TRPC4AP: variants seen among roughly 807,000 people sequenced by gnomAD.
TRPC4AP encodes the protein transient receptor potential cation channel subfamily C member 4 associated protein.
In TRPC4AP, 45 loss-of-function variants were observed where a neutral mutation model predicts 99.0. That is an observed-to-expected ratio of 0.45 (90% CI 0.36 to 0.58). TRPC4AP has a LOEUF of 0.58. TRPC4AP is among the 20% of genes least tolerant of loss of function. The pLI is 0.00. For synonymous variants in TRPC4AP, 408 were observed against 385.8 expected (o/e 1.06, Z -0.67); for missense variants, 879 against 985.3 (o/e 0.89, Z 1.44).
At position 35,037,346 on chromosome 20, in the gene TRPC4AP, C is replaced by CAA. The variant is rs71196778; in HGVS notation, c.866-2040_866-2039dup. Among the ~76,000 whole-genome samples the CAA allele has an allele frequency of 2.9e-3, 225 of 78,614 alleles. 1 individual carries two copies. Among genetic ancestry groups the CAA allele is most frequent in the Middle Eastern group, 8.6e-3 (1 of 116 alleles). 51.6% of individuals were successfully genotyped at this position (78,614 alleles called of 152,430 possible). A position where few individuals can be genotyped will look rare whatever the true frequency, so the allele number is the denominator to read the frequency against. On this transcript the variant is annotated intron_variant, in intron 7 of 18. Coordinates refer to ENST00000252015, the MANE Select transcript of TRPC4AP (RefSeq NM_015638.3). ...TGGGCGAAAGAGCGAGACTCTGTCT[C>CAA]AAAAAAAAAAAAAAAAAAAAAAAGT...
At chr20:35,086,431 A>ATGTGTGTGTGTGTGTG (rs150231202) in intron 1 of TRPC4AP, among the ~76,000 whole-genome samples, 2 of 109,528 alleles carry the variant, frequency 1.8e-5, no homozygotes, top group South Asian at 3.3e-4. Context: ...TGAATGGCAT[A>ATGTGTGTGTGTGTGTG]TGTGTGTGTG....
At chr20:35,033,026 T>C (rs1006665562) in intron 8 of TRPC4AP, among the ~76,000 whole-genome samples, 1 of 151,854 alleles carries the variant, frequency 6.6e-6, no homozygotes, top group Non-Finnish European at 1.5e-5. Flanking sequence ...GTAAAATCCT[T>C]TCTCTACTAA....
At chr20:35,021,093 G>A in intron 9 of TRPC4AP, 97 bp downstream of exon 9, 2 of 1,363,094 alleles carry the variant, frequency 1.5e-6, no homozygotes, top group East Asian at 4.7e-5. Context: ...TAAAGCGAGA[G>A]CCATTCTAAC....
intron 8 of TRPC4AP, among the ~76,000 whole-genome samples, chr20:35,024,940 T>C (rs2082992549): frequency 6.6e-6 from 1 of 151,872 alleles, no homozygotes; most frequent in Non-Finnish European, 1.5e-5. Flanking sequence ...TGAACATACC[T>C]GAACAAATTT....
At chr20:35,003,651 G>A (rs1226264551) in intron 17 of TRPC4AP, 35 bp from the exon 18 acceptor site, 2 of 1,595,236 alleles carry the variant, frequency 1.3e-6, no homozygotes, top group Non-Finnish European at 1.7e-6. Flanking sequence ...TCAGGGGCTG[G>A]TGGGAGCCCC....
chr20:35,021,504 C>A, intron 8 of TRPC4AP, 148 bp from the exon 9 acceptor site: 4 of 874,380 alleles, frequency 4.6e-6, no homozygotes, highest in Non-Finnish European at 6.8e-6. Flanking sequence ...GCAAAACTCC[C>A]TCCACAATCC....
chr20:35,006,706 T>C, intron 14 of TRPC4AP, 131 bp from the exon 15 acceptor site: 1 of 1,223,044 alleles, frequency 8.2e-7, no homozygotes, highest in Non-Finnish European at 1.1e-6. Flanking sequence ...TCTAGATTCT[T>C]GTCTGAGGAT....
chr20:35,069,518 CAA>C (rs1295776397), intron 2 of TRPC4AP, 106 bp from the exon 3 acceptor site: 39 of 715,304 alleles, frequency 5.5e-5, no homozygotes, highest in Non-Finnish European at 9.1e-5. Context: ...CCCATGAACA[CAA>C]AGACAGTCCC....
At chr20:35,031,883 T>C (rs1391182175) in intron 8 of TRPC4AP, among the ~76,000 whole-genome samples, 1 of 152,166 alleles carries the variant, frequency 6.6e-6, no homozygotes, top group Non-Finnish European at 1.5e-5. Flanking sequence ...TCTTGATTAT[T>C]ATACTACTTA....
intron 1 of TRPC4AP, among the ~76,000 whole-genome samples, chr20:35,078,730 T>C (rs1250249041): frequency 6.6e-6 from 1 of 152,142 alleles, no homozygotes; most frequent in Non-Finnish European, 1.5e-5. Context: ...CAATATGCTG[T>C]CTACAAGAAA....
At chr20:35,040,111 T>G (rs1398863638) in intron 7 of TRPC4AP, among the ~76,000 whole-genome samples, 1 of 151,752 alleles carries the variant, frequency 6.6e-6, no homozygotes, top group African/African-American at 2.4e-5. Flanking sequence ...ATTCATACGT[T>G]GAAGCTCTAG....
rs1479270980 is a variant in TRPC4AP at position 35,024,854 on chromosome 20, A to AAAAAAAAAAT, written c.1052-3499_1052-3498insATTTTTTTTT. Among the ~76,000 whole-genome samples the AAAAAAAAAAT allele has an allele frequency of 1.9e-3, 166 of 89,438 alleles. 35 individuals carry two copies. Among genetic ancestry groups the AAAAAAAAAAT allele is most frequent in the South Asian group, 3.6e-3 (11 of 3,060 alleles). 58.7% of individuals were successfully genotyped at this position (89,438 alleles called of 152,430 possible). On this transcript the variant is annotated intron_variant, in intron 8 of 18. Transcript: ENST00000252015. The stretch of plus-strand genomic sequence containing the variant: ...AAAAAAAAAAAAAAAAAAAAAAAAA[A>AAAAAAAAAAT]ATTCTGTTTATTCATTAATCAGGTG...
intron 8 of TRPC4AP, among the ~76,000 whole-genome samples, chr20:35,025,023 T>C (rs1031387589): frequency 1.3e-5 from 2 of 152,068 alleles, no homozygotes; most frequent in Admixed American, 6.6e-5. Flanking sequence ...ATGACATAAC[T>C]GTATGTTAAC....
intron 7 of TRPC4AP, among the ~76,000 whole-genome samples, chr20:35,042,232 TAG>T (rs1569113307): frequency 6.6e-6 from 1 of 152,152 alleles, no homozygotes; most frequent in African/African-American, 2.4e-5. Context: ...AAAGCAAATC[TAG>T]AGAGAGAATA....
chr20:35,041,951 T>C (rs375664958), intron 7 of TRPC4AP, among the ~76,000 whole-genome samples: 1 of 152,224 alleles, frequency 6.6e-6, no homozygotes, highest in Non-Finnish European at 1.5e-5. Flanking sequence ...TACTACCTTT[T>C]GTCAATGTAT....
intron 8 of TRPC4AP, among the ~76,000 whole-genome samples, chr20:35,026,512 G>A (rs1267275377): frequency 2.6e-5 from 4 of 152,006 alleles, no homozygotes; most frequent in Non-Finnish European, 4.4e-5. Context: ...CACTGTACCC[G>A]GCCTAGTTCA....
chr20:35,011,380 T>C (rs772354549), intron 11 of TRPC4AP, among the ~76,000 whole-genome samples: 4 of 152,182 alleles, frequency 2.6e-5, no homozygotes, highest in South Asian at 2.1e-4. Flanking sequence ...CCATAATCAC[T>C]GGCAACACGG....
intron 3 of TRPC4AP, among the ~76,000 whole-genome samples, chr20:35,062,887 C>CTT (rs1407389239): frequency 6.6e-6 from 1 of 152,156 alleles, no homozygotes; most frequent in Non-Finnish European, 1.5e-5. Flanking sequence ...TTATTTAAAA[C>CTT]AATAAAACAC....
chr20:35,081,179 T>C (rs1291677297), intron 1 of TRPC4AP, among the ~76,000 whole-genome samples: 2 of 152,198 alleles, frequency 1.3e-5, no homozygotes, highest in African/African-American at 4.8e-5. Flanking sequence ...AAATGTCAGT[T>C]ATTACATTAA....
Sources: allele counts gnomAD v4.1 joint callset (sites outside exome capture counted in the v4.1 genomes callset), GRCh38; gene constraint gnomAD v4.1.1; transcripts MANE v1.5; gene names NCBI Gene and HGNC (gene_info 2026-07-23, HGNC 2026-07-21).